Variants in RCAN2 observed in about 807,000 individuals in gnomAD.
RCAN2 encodes the protein regulator of calcineurin 2.
Under a neutral mutation model 23.6 loss-of-function variants are expected in RCAN2, and 9 were observed. That is an observed-to-expected ratio of 0.38 (90% CI 0.23 to 0.67). The LOEUF (loss-of-function observed/expected upper bound fraction) is 0.67, where lower values mean the gene tolerates loss of function less well. Ranked by LOEUF, RCAN2 falls within the 30% of genes least tolerant of loss-of-function variation. The probability of loss-of-function intolerance (pLI) is 0.51; values close to 1 mark genes in which losing one functional copy is unlikely to be tolerated. For synonymous variants in RCAN2, 109 were observed against 115.7 expected, an observed-to-expected ratio of 0.94 and a Z score of 0.37; for missense variants, 273 against 302.3, an observed-to-expected ratio of 0.90 and a Z score of 0.72.
chr6:46,288,394 C>A (rs1762438039), intron 2 of RCAN2, among the ~76,000 whole-genome samples: 1 of 152,212 alleles, frequency 6.6e-6, no homozygotes, highest in Non-Finnish European at 1.5e-5. Flanking sequence ...AATGGGAATA[C>A]TGGCTTTAAC....
At chr6:46,298,446 A>G (rs982972292) in intron 2 of RCAN2, among the ~76,000 whole-genome samples, 5 of 152,080 alleles carry the variant, frequency 3.3e-5, no homozygotes, top group African/African-American at 9.7e-5. Flanking sequence ...GCTTATCCCA[A>G]TTTATGCTGT....
chr6:46,451,784 T>C (rs571942115), intron 2 of RCAN2, among the ~76,000 whole-genome samples: 6 of 152,216 alleles, frequency 3.9e-5, no homozygotes, highest in Admixed American at 6.5e-5. Flanking sequence ...TGCATTGCAA[T>C]GATCTATTTA....
At chr6:46,229,357 A>C (rs1471097016) in intron 4 of RCAN2, among the ~76,000 whole-genome samples, 6 of 152,130 alleles carry the variant, frequency 3.9e-5, no homozygotes, top group East Asian at 1.9e-4. Context: ...TGATATCCTG[A>C]AGAGTGTTTT....
At chr6:46,333,564 T>G (rs78147784) in intron 2 of RCAN2, among the ~76,000 whole-genome samples, 1 of 152,252 alleles carries the variant, frequency 6.6e-6, no homozygotes. Context: ...CAAATGCCTA[T>G]GTAATTTTGC....
intron 2 of RCAN2, among the ~76,000 whole-genome samples, chr6:46,262,633 T>C (rs1013117204): frequency 4.1e-5 from 5 of 121,498 alleles, no homozygotes; most frequent in African/African-American, 1.4e-4. Flanking sequence ...GAGAAAATTC[T>C]GATTATACCA....
At chr6:46,321,285 T>C (rs1763605107) in intron 2 of RCAN2, among the ~76,000 whole-genome samples, 1 of 152,246 alleles carries the variant, frequency 6.6e-6, no homozygotes, top group Non-Finnish European at 1.5e-5. Flanking sequence ...GTATATTTAC[T>C]TGTTTACTAT....
intron 2 of RCAN2, among the ~76,000 whole-genome samples, chr6:46,415,226 C>T (rs1005709549): frequency 5.9e-5 from 9 of 152,090 alleles, no homozygotes; most frequent in East Asian, 3.9e-4. Context: ...GAGCTGATGA[C>T]GGCGGAACCA....
At chr6:46,398,223 T>G (rs1047787183) in intron 2 of RCAN2, among the ~76,000 whole-genome samples, 1 of 152,204 alleles carries the variant, frequency 6.6e-6, no homozygotes, top group African/African-American at 2.4e-5. Flanking sequence ...TTTCTCTGTG[T>G]TATGGCAAAT....
At chr6:46,383,168 A>AGTGTGTGTGTGT (rs71305761) in intron 2 of RCAN2, among the ~76,000 whole-genome samples, 16 of 139,388 alleles carry the variant, frequency 1.1e-4, no homozygotes, top group South Asian at 7.3e-4. Context: ...CAGCCTGGGT[A>AGTGTGTGTGTGT]GTGTGTGTGT....
intron 2 of RCAN2, among the ~76,000 whole-genome samples, chr6:46,389,016 T>A (rs745417427): frequency 6.6e-6 from 1 of 152,042 alleles, no homozygotes; most frequent in Non-Finnish European, 1.5e-5. Context: ...TGTAAATAAG[T>A]CAAAAGTTTT....
chr6:46,423,818 T>C (rs1038443645), intron 2 of RCAN2, among the ~76,000 whole-genome samples: 2 of 152,240 alleles, frequency 1.3e-5, no homozygotes, highest in African/African-American at 4.8e-5. Context: ...AAGAACTACA[T>C]TGAGTATACC....
At chr6:46,479,404 C>G (rs4714938) in intron 1 of RCAN2, among the ~76,000 whole-genome samples, 20,247 of 152,060 alleles carry the variant, frequency 0.13, 1,955 homozygotes, top group African/African-American at 0.24. Flanking sequence ...TAACCAAATA[C>G]CCACAAAAGT....
intron 2 of RCAN2, among the ~76,000 whole-genome samples, chr6:46,273,127 G>A (rs565973062): frequency 1.3e-5 from 2 of 152,168 alleles, no homozygotes; most frequent in Admixed American, 1.3e-4. Context: ...AATTTCAGGA[G>A]TTGCGGTTCC....
chr6:46,350,091 A>C (rs1247237289), intron 2 of RCAN2, among the ~76,000 whole-genome samples: 2 of 152,038 alleles, frequency 1.3e-5, no homozygotes. Context: ...TTACTTTTTT[A>C]ATTGGTTTTC....
chr6:46,275,089 A>T (rs773738613), intron 2 of RCAN2, among the ~76,000 whole-genome samples: 2 of 151,958 alleles, frequency 1.3e-5, no homozygotes, highest in Non-Finnish European at 2.9e-5. Flanking sequence ...TAAGGGTTTC[A>T]TTTTATTTAT....
At chr6:46,404,007 A>G (rs555989590) in intron 2 of RCAN2, among the ~76,000 whole-genome samples, 1 of 152,246 alleles carries the variant, frequency 6.6e-6, no homozygotes, top group South Asian at 2.1e-4. Context: ...GGATCACCTA[A>G]GGTCAGGAGT....
intron 2 of RCAN2, among the ~76,000 whole-genome samples, chr6:46,299,706 T>C (rs1389305658): frequency 6.6e-6 from 1 of 152,070 alleles, no homozygotes; most frequent in African/African-American, 2.4e-5. Context: ...GTGACTTATT[T>C]TTCTCATCTG....
At chr6:46,384,916 T>C (rs995993580) in intron 2 of RCAN2, among the ~76,000 whole-genome samples, 2 of 152,158 alleles carry the variant, frequency 1.3e-5, no homozygotes, top group Non-Finnish European at 2.9e-5. Flanking sequence ...AGGTACATTA[T>C]AAATAAATGA....
intron 2 of RCAN2, among the ~76,000 whole-genome samples, chr6:46,348,564 G>A (rs1764557357): frequency 6.6e-6 from 1 of 152,136 alleles, no homozygotes; most frequent in Admixed American, 6.5e-5. Flanking sequence ...TGATCATTCT[G>A]TCTATGGGAA....
Sources: allele counts gnomAD v4.1 joint callset (sites outside exome capture counted in the v4.1 genomes callset), GRCh38; gene constraint gnomAD v4.1.1; transcripts MANE v1.5; gene names NCBI Gene and HGNC (gene_info 2026-07-23, HGNC 2026-07-21).